FAM174A: variants seen among roughly 807,000 people sequenced by gnomAD.
FAM174A encodes the protein family with sequence similarity 174 member A.
A neutral mutation model predicts 14.3 loss-of-function variants in FAM174A; 14 were observed. The observed-to-expected ratio is 0.98, with a 90% CI of 0.65 to 1.53. The LOEUF is 1.53. FAM174A is among the 40% of genes most tolerant of loss of function. The pLI is 0.00. For synonymous variants in FAM174A, 108 were observed against 111.4 expected, an observed-to-expected ratio of 0.97 and a Z score of 0.19; for missense variants, 241 against 249.6, an observed-to-expected ratio of 0.97 and a Z score of 0.23.
chr5:100,564,792 C>G (rs1323241267), intron 2 of FAM174A, among the ~76,000 whole-genome samples: 1 of 151,690 alleles, frequency 6.6e-6, no homozygotes, highest in African/African-American at 2.4e-5. Context: ...AGATAAATTC[C>G]TAGAAACATA....
chr5:100,553,490 T>G (rs1012796433), intron 1 of FAM174A, among the ~76,000 whole-genome samples: 1 of 152,148 alleles, frequency 6.6e-6, no homozygotes, highest in Non-Finnish European at 1.5e-5. Flanking sequence ...CCTATAACTT[T>G]GGACTGAGCA....
chr5:100,562,314 T>A, intron 2 of FAM174A, 126 bp downstream of exon 2: 1 of 859,878 alleles, frequency 1.2e-6, no homozygotes, highest in South Asian at 2.2e-5. Context: ...TTCTGTTTAC[T>A]GAAGTTCTTT....
chr5:100,573,251 G>A (rs1464605816), intron 2 of FAM174A, among the ~76,000 whole-genome samples: 2 of 151,592 alleles, frequency 1.3e-5, no homozygotes, highest in Non-Finnish European at 3.0e-5. Flanking sequence ...AAGCTCTTTA[G>A]TTTAATTAGA....
At chr5:100,585,000 A>G (rs866425456) in intron 2 of FAM174A, among the ~76,000 whole-genome samples, 6 of 152,202 alleles carry the variant, frequency 3.9e-5, no homozygotes, top group African/African-American at 1.4e-4. Flanking sequence ...CACTAAATGC[A>G]GTAGAAACTA....
chr5:100,564,695 A>G lies in FAM174A; in HGVS notation c.569+2507A>G, dbSNP rs116026549. 7.3e-3 allele frequency among the ~76,000 whole-genome samples: 1,116 copies of G among 151,890 alleles called. 17 individuals are homozygous for G. The highest frequency in any genetic ancestry group is 0.025 in the African/African-American group (1,032 of 41,514). On this transcript the variant is annotated intron_variant, in intron 2 of 2. Coordinates refer to ENST00000312637, the MANE Select transcript of FAM174A (RefSeq NM_198507.3). ...ATAAAATCAGAAATAAAAGAGAAGA[A>G]ATTACAATGGGTACCTCAGAAATTA...
intron 2 of FAM174A, among the ~76,000 whole-genome samples, chr5:100,577,173 T>C (rs979829304): frequency 4.6e-5 from 7 of 152,096 alleles, no homozygotes; most frequent in African/African-American, 1.7e-4. Context: ...CACAAGTACC[T>C]TATAAATATG....
At chr5:100,556,932 A>C (rs533602013) in intron 1 of FAM174A, among the ~76,000 whole-genome samples, 1 of 152,220 alleles carries the variant, frequency 6.6e-6, no homozygotes, top group South Asian at 2.1e-4. Flanking sequence ...AATACCCTTT[A>C]TTTCTTTCTC....
At chr5:100,572,522 A>T (rs1006990909) in intron 2 of FAM174A, among the ~76,000 whole-genome samples, 5 of 151,024 alleles carry the variant, frequency 3.3e-5, no homozygotes, top group African/African-American at 1.2e-4. Context: ...TGTTCTTGCG[A>T]TAGTTTACTG....
intron 2 of FAM174A, among the ~76,000 whole-genome samples, chr5:100,584,636 A>G (rs1747091186): frequency 6.6e-6 from 1 of 152,210 alleles, no homozygotes; most frequent in Non-Finnish European, 1.5e-5. Flanking sequence ...TAGAGTCTGT[A>G]GGTTTGCATT....
intron 1 of FAM174A, among the ~76,000 whole-genome samples, chr5:100,555,001 A>G (rs964048975): frequency 2.6e-5 from 4 of 152,022 alleles, no homozygotes; most frequent in African/African-American, 9.7e-5. Context: ...ATATGTATAC[A>G]TGTGCCATGT....
At chr5:100,558,452 G>T (rs1746445738) in intron 1 of FAM174A, among the ~76,000 whole-genome samples, 1 of 152,140 alleles carries the variant, frequency 6.6e-6, no homozygotes, top group Non-Finnish European at 1.5e-5. Flanking sequence ...TGTCTATTAG[G>T]TCCGCCTGGT....
At chr5:100,536,916 A>C (rs1380385195) in intron 1 of FAM174A, among the ~76,000 whole-genome samples, 2 of 152,240 alleles carry the variant, frequency 1.3e-5, no homozygotes, top group African/African-American at 2.4e-5. Context: ...CATGTGGGCC[A>C]GGGAACCACA....
At chr5:100,577,781 C>A (rs546803710) in intron 2 of FAM174A, among the ~76,000 whole-genome samples, 1 of 152,042 alleles carries the variant, frequency 6.6e-6, no homozygotes, top group East Asian at 1.9e-4. Context: ...TTAATTTTTT[C>A]TCTTAAAGGG....
chr5:100,561,643 C>T (rs1746523929), intron 1 of FAM174A, among the ~76,000 whole-genome samples: 1 of 151,838 alleles, frequency 6.6e-6, no homozygotes, highest in South Asian at 2.1e-4. Context: ...CATATACATA[C>T]AGTTTCTTAG....
intron 2 of FAM174A, among the ~76,000 whole-genome samples, chr5:100,575,843 A>T (rs1016785146): frequency 6.6e-6 from 1 of 152,150 alleles, no homozygotes. Flanking sequence ...TACAAGAAAA[A>T]ACCAAACAAC....
At chr5:100,582,000 A>C (rs1204020407) in intron 2 of FAM174A, among the ~76,000 whole-genome samples, 1 of 152,168 alleles carries the variant, frequency 6.6e-6, no homozygotes, top group East Asian at 1.9e-4. Flanking sequence ...ATTTGAAAAA[A>C]ATCTTTTAGA....
intron 1 of FAM174A, among the ~76,000 whole-genome samples, chr5:100,536,536 C>T (rs1259757182): frequency 6.6e-6 from 1 of 152,090 alleles, no homozygotes; most frequent in Non-Finnish European, 1.5e-5. Flanking sequence ...TCCTTACTAT[C>T]AGTGTTTCCT....
intron 1 of FAM174A, among the ~76,000 whole-genome samples, chr5:100,538,862 G>GC: frequency 6.6e-6 from 1 of 151,846 alleles, no homozygotes; most frequent in Middle Eastern, 3.4e-3. Flanking sequence ...AATGTATAAG[G>GC]CCAGGGAGCG....
At chr5:100,576,677 CT>C (rs1287935481) in intron 2 of FAM174A, among the ~76,000 whole-genome samples, 24 of 152,178 alleles carry the variant, frequency 1.6e-4, no homozygotes, top group African/African-American at 5.5e-4. Context: ...CCAACTGTGT[CT>C]TGTATGTTAA....
Sources: gnomAD v4.1 joint callset for allele counts (sites outside exome capture counted in the v4.1 genomes callset) on GRCh38, gnomAD v4.1.1 for gene constraint, MANE v1.5 for transcripts, NCBI Gene and HGNC (gene_info 2026-07-23, HGNC 2026-07-21) for gene names.